Variants in ENTREP2 observed in about 807,000 individuals in gnomAD.
ENTREP2 encodes protein ENTREP2.
the ENTREP2 span, among the ~76,000 whole-genome samples, chr15:29,458,002 A>T: frequency 2.0e-5 from 3 of 152,142 alleles, no homozygotes; most frequent in African/African-American, 7.2e-5. Context: ...CTCCACAGAA[A>T]CAAAACTGAT....
At chr15:29,274,702 A>C in the ENTREP2 span, among the ~76,000 whole-genome samples, 1 of 152,202 alleles carries the variant, frequency 6.6e-6, no homozygotes. Context: ...CAGGGGAGGC[A>C]AAACCTTCCC....
chr15:29,528,865 T>C, the ENTREP2 span, among the ~76,000 whole-genome samples: 2 of 152,184 alleles, frequency 1.3e-5, no homozygotes, highest in Admixed American at 6.5e-5. Flanking sequence ...ATATAGATTA[T>C]GTTCATAAAA....
At chr15:29,188,824 G>A in the ENTREP2 span, among the ~76,000 whole-genome samples, 32 of 152,230 alleles carry the variant, frequency 2.1e-4, 2 homozygotes, top group Non-Finnish European at 4.4e-5. Context: ...ACAGAGGCTG[G>A]AAACGGAGTT....
the ENTREP2 span, among the ~76,000 whole-genome samples, chr15:29,553,005 T>C: frequency 1.3e-5 from 2 of 152,198 alleles, no homozygotes; most frequent in Non-Finnish European, 2.9e-5. Context: ...TGTTTCATAC[T>C]GTAAACTTGG....
At chr15:29,160,596 C>A in the ENTREP2 span, among the ~76,000 whole-genome samples, 1 of 151,106 alleles carries the variant, frequency 6.6e-6, no homozygotes, top group Non-Finnish European at 1.5e-5. Flanking sequence ...GTAATCCCAG[C>A]TACTCAGGAG....
At chr15:29,255,470 A>C in the ENTREP2 span, among the ~76,000 whole-genome samples, 1 of 152,202 alleles carries the variant, frequency 6.6e-6, no homozygotes, top group Admixed American at 6.5e-5. Context: ...AGATTTCTCA[A>C]ATAACTAAAA....
At chr15:29,477,720 A>G in the ENTREP2 span, among the ~76,000 whole-genome samples, 1 of 151,962 alleles carries the variant, frequency 6.6e-6, no homozygotes, top group East Asian at 1.9e-4. Context: ...GGAGATCTCT[A>G]TACAGACCAT....
At chr15:29,295,202 T>A in the ENTREP2 span, among the ~76,000 whole-genome samples, 1 of 152,246 alleles carries the variant, frequency 6.6e-6, no homozygotes, top group African/African-American at 2.4e-5. Flanking sequence ...AACCCCTGCC[T>A]GTGCTCCATC....
chr15:29,345,154 C>T, the ENTREP2 span, among the ~76,000 whole-genome samples: 1 of 152,266 alleles, frequency 6.6e-6, no homozygotes, highest in Admixed American at 6.5e-5. Flanking sequence ...TAAGTGCTTA[C>T]TAAATGCTGG....
the ENTREP2 span, among the ~76,000 whole-genome samples, chr15:29,409,632 CT>C: frequency 0.75 from 110,280 of 147,224 alleles, 42,024 homozygotes; most frequent in African/African-American, 0.92. Context: ...GCCTATTTTT[CT>C]TTTTTTTTTT....
the ENTREP2 span, among the ~76,000 whole-genome samples, chr15:29,417,296 C>T: frequency 6.6e-6 from 1 of 152,122 alleles, no homozygotes; most frequent in Non-Finnish European, 1.5e-5. Flanking sequence ...ACATATACAC[C>T]ATGGAATACT....
the ENTREP2 span, among the ~76,000 whole-genome samples, chr15:29,340,426 A>G: frequency 6.6e-6 from 1 of 152,114 alleles, no homozygotes; most frequent in African/African-American, 2.4e-5. Context: ...TACAGCAGGG[A>G]GGGTGGATTT....
the ENTREP2 span, among the ~76,000 whole-genome samples, chr15:29,326,127 C>T: frequency 4.6e-5 from 7 of 152,066 alleles, no homozygotes; most frequent in Non-Finnish European, 8.8e-5. Context: ...AACATCACAC[C>T]TAATAATGAA....
At chr15:29,244,140 G>A in the ENTREP2 span, among the ~76,000 whole-genome samples, 1 of 152,166 alleles carries the variant, frequency 6.6e-6, no homozygotes, top group Non-Finnish European at 1.5e-5. Flanking sequence ...TCTGCATTAG[G>A]AAATCCATTA....
chr15:29,136,486 G>C, the ENTREP2 span: 3 of 1,548,514 alleles, frequency 1.9e-6, no homozygotes, highest in East Asian at 7.4e-5. Context: ...ACGGAGCAAA[G>C]TCCAGGTGGA....
At chr15:29,153,949 C>A in the ENTREP2 span, among the ~76,000 whole-genome samples, 1 of 152,200 alleles carries the variant, frequency 6.6e-6, no homozygotes, top group Non-Finnish European at 1.5e-5. Flanking sequence ...TGAGACCACA[C>A]ATGCATACCA....
chr15:29,410,323 T>C, the ENTREP2 span, among the ~76,000 whole-genome samples: 1 of 152,186 alleles, frequency 6.6e-6, no homozygotes, highest in Non-Finnish European at 1.5e-5. Context: ...AAAAACATAG[T>C]ATTTTTTCAT....
At chr15:29,382,184 C>T in the ENTREP2 span, among the ~76,000 whole-genome samples, 2 of 151,912 alleles carry the variant, frequency 1.3e-5, no homozygotes, top group South Asian at 4.2e-4. Flanking sequence ...ATCACTTGAA[C>T]CTGGGAGGCA....
chr15:29,495,979 T>A, the ENTREP2 span, among the ~76,000 whole-genome samples: 118 of 152,132 alleles, frequency 7.8e-4, 2 homozygotes, highest in African/African-American at 2.8e-3. Flanking sequence ...CTGCATTGAA[T>A]CTGTAGATCA....
Sources: gnomAD v4.1 joint callset for allele counts (sites outside exome capture counted in the v4.1 genomes callset) on GRCh38, gnomAD v4.1.1 for gene constraint, MANE v1.5 for transcripts, NCBI Gene and HGNC (gene_info 2026-07-23, HGNC 2026-07-21) for gene names.